Variants in CADM2 observed in about 807,000 individuals in gnomAD.
CADM2 encodes the protein immunoglobulin superfamily member 4D.
Under a neutral mutation model 49.8 loss-of-function variants are expected in CADM2, and 12 were observed. The observed-to-expected ratio is 0.24, with a 90% confidence interval of 0.15 to 0.39. The LOEUF (loss-of-function observed/expected upper bound fraction) is 0.39, where lower values mean the gene tolerates loss of function less well. Ranked by LOEUF, CADM2 falls within the 10% of genes least tolerant of loss-of-function variation. The probability of loss-of-function intolerance (pLI) is 1.00; values close to 1 mark genes in which losing one functional copy is unlikely to be tolerated. For missense variants in CADM2, 378 were observed against 492.3 expected (o/e 0.77, Z 2.20); for synonymous variants, 214 against 175.4 (o/e 1.22, Z -1.74).
At chr3:86,050,712 C>T (rs1018255231) in intron 8 of CADM2, among the ~76,000 whole-genome samples, 6 of 152,158 alleles carry the variant, frequency 3.9e-5, no homozygotes, top group African/African-American at 1.2e-4. Context: ...AAGGCTTGCA[C>T]CCTCTGAATC....
chr3:85,527,386 ACTCT>A (rs909065470), intron 1 of CADM2, among the ~76,000 whole-genome samples: 1 of 150,140 alleles, frequency 6.7e-6, no homozygotes, highest in African/African-American at 2.4e-5. Flanking sequence ...AGAGCAAGAC[ACTCT>A]CTCCAAAACA....
rs1423125366 is a variant in CADM2 at position 86,071,241 on chromosome 3, A to G, written c.*4458A>G. Reference sequence around the variant, plus strand: ...ATTGTAGCAAGTACAAATGTATTCAATGAAAGAACATAGGGTAGTTTTAAT... The same window carrying G: ...ATTGTAGCAAGTACAAATGTATTCAGTGAAAGAACATAGGGTAGTTTTAAT... On this transcript the variant is annotated 3_prime_UTR_variant, in exon 10 of 10. Coordinates refer to ENST00000383699, the MANE Select transcript of CADM2 (RefSeq NM_001167675.2). The G allele has an allele frequency of 6.6e-6, 1 of 152,044 alleles. No individual in the cohort carries two copies. The highest frequency in any genetic ancestry group is 3.4e-3 in the Middle Eastern group (1 of 292). 9.4% of individuals were successfully genotyped at this position (152,044 alleles called of 1,614,324 possible).
intron 1 of CADM2, among the ~76,000 whole-genome samples, chr3:85,165,952 A>G (rs976665543): frequency 6.6e-6 from 1 of 151,708 alleles, no homozygotes; most frequent in African/African-American, 2.4e-5. Flanking sequence ...GATAGATTGC[A>G]TCTTAAATCT....
chr3:85,731,169 C>T (rs2067916614), intron 2 of CADM2, among the ~76,000 whole-genome samples: 1 of 152,084 alleles, frequency 6.6e-6, no homozygotes, highest in African/African-American at 2.4e-5. Flanking sequence ...CCAGGCTACC[C>T]ATCATATGAA....
intron 1 of CADM2, among the ~76,000 whole-genome samples, chr3:85,279,867 T>A (rs2043456973): frequency 6.6e-6 from 1 of 151,664 alleles, no homozygotes; most frequent in Non-Finnish European, 1.5e-5. Context: ...GTTTGCCAAC[T>A]TTTTAATTGG....
intron 8 of CADM2, among the ~76,000 whole-genome samples, chr3:86,016,245 CAT>C (rs570344989): frequency 9.7e-4 from 148 of 152,034 alleles, no homozygotes; most frequent in African/African-American, 3.5e-3. Context: ...ATATATAAAA[CAT>C]GTTATATAGC....
chr3:85,456,649 A>T (rs982573702), intron 1 of CADM2, among the ~76,000 whole-genome samples: 2 of 152,080 alleles, frequency 1.3e-5, no homozygotes, highest in African/African-American at 2.4e-5. Context: ...ACTCAAATAT[A>T]AATAAATTTT....
At chr3:85,186,372 T>C (rs956519178) in intron 1 of CADM2, among the ~76,000 whole-genome samples, 2 of 152,120 alleles carry the variant, frequency 1.3e-5, no homozygotes. Context: ...ACCCAAGCAC[T>C]AACAAGCCAA....
chr3:85,811,371 A>C (rs2072867544), intron 3 of CADM2, among the ~76,000 whole-genome samples: 1 of 152,218 alleles, frequency 6.6e-6, no homozygotes, highest in Non-Finnish European at 1.5e-5. Flanking sequence ...TTATTTTAAC[A>C]AACACTGAAC....
chr3:85,552,365 A>ATT (rs2061827181), intron 1 of CADM2, among the ~76,000 whole-genome samples: 1 of 111,876 alleles, frequency 8.9e-6, no homozygotes, highest in African/African-American at 3.7e-5. Flanking sequence ...CACTTTGAAA[A>ATT]GTTTTTTTTT....
chr3:85,477,548 C>A (rs1053235473), intron 1 of CADM2, among the ~76,000 whole-genome samples: 2 of 151,752 alleles, frequency 1.3e-5, no homozygotes, highest in East Asian at 3.9e-4. Context: ...TGTTCTCATA[C>A]GGCTTACATT....
In CADM2 at chr3:86,068,824, C is replaced by T. The variant is rs573797509; in HGVS notation, c.*2041C>T. 1 of 152,314 alleles carries T rather than the reference C, an allele frequency of 6.6e-6. No homozygotes were observed. The highest frequency in any genetic ancestry group is 2.4e-5 in the African/African-American group (1 of 41,502). The allele number at this position is 152,314 out of a possible 1,614,324, so 9.4% of individuals were successfully genotyped here. On this transcript the variant is annotated 3_prime_UTR_variant, in exon 10 of 10. Transcript: ENST00000383699. ...AAATAAGTCTGCATTGATGTGATTG[C>T]ATGCTTGTTTTTACAGTTCACTCCA... is the stretch of plus-strand genomic sequence containing the variant.
intron 1 of CADM2, among the ~76,000 whole-genome samples, chr3:85,413,261 A>G (rs1003312980): frequency 1.1e-4 from 16 of 151,542 alleles, no homozygotes; most frequent in Admixed American, 4.0e-4. Context: ...TTTTCAGTAC[A>G]CATATACATT....
At chr3:85,299,942 CAA>C (rs1275801131) in intron 1 of CADM2, among the ~76,000 whole-genome samples, 7 of 151,844 alleles carry the variant, frequency 4.6e-5, no homozygotes, top group Non-Finnish European at 1.0e-4. Flanking sequence ...CAAAGTACGA[CAA>C]AGATTTCAAG....
At chr3:85,595,795 TAAAC>T (rs567164870) in intron 1 of CADM2, among the ~76,000 whole-genome samples, 3 of 152,182 alleles carry the variant, frequency 2.0e-5, no homozygotes, top group South Asian at 4.1e-4. Context: ...ATAAAAACAT[TAAAC>T]AAGTGTATAT....
At chr3:85,952,142 G>A (rs1265646799) in intron 7 of CADM2, among the ~76,000 whole-genome samples, 4 of 150,870 alleles carry the variant, frequency 2.7e-5, no homozygotes, top group African/African-American at 9.7e-5. Flanking sequence ...GGCGGAGGTG[G>A]AGCTAACAAA....
intron 5 of CADM2, among the ~76,000 whole-genome samples, chr3:85,912,008 C>G (rs1405175053): frequency 3.3e-5 from 5 of 151,308 alleles, no homozygotes; most frequent in African/African-American, 1.2e-4. Flanking sequence ...GTGGCGCCAT[C>G]TCTGCTCACT....
intron 7 of CADM2, among the ~76,000 whole-genome samples, chr3:85,942,373 G>A (rs1436088139): frequency 6.6e-6 from 1 of 151,834 alleles, no homozygotes; most frequent in Non-Finnish European, 1.5e-5. Context: ...TAGGGTACAT[G>A]TGCATATTGT....
intron 1 of CADM2, among the ~76,000 whole-genome samples, chr3:85,459,312 G>C (rs1190264743): frequency 1.3e-5 from 2 of 152,074 alleles, no homozygotes; most frequent in East Asian, 1.9e-4. Flanking sequence ...CTCTCCTTTT[G>C]ACAGGAAGCA....
Sources: allele counts gnomAD v4.1 joint callset (sites outside exome capture counted in the v4.1 genomes callset), GRCh38; gene constraint gnomAD v4.1.1; transcripts MANE v1.5; gene names NCBI Gene and HGNC (gene_info 2026-07-23, HGNC 2026-07-21).